TACC1: variants seen among roughly 807,000 people sequenced by gnomAD.
The protein encoded by TACC1 is transforming acidic coiled-coil-containing protein 1.
Under a neutral mutation model 84.4 loss-of-function variants are expected in TACC1, and 48 were observed. That is an observed-to-expected ratio of 0.57 (90% CI 0.45 to 0.72). TACC1 has a LOEUF of 0.72. TACC1 is among the 30% of genes least tolerant of loss of function. The pLI is 0.00. For synonymous variants in TACC1, 372 were observed against 376.3 expected, an observed-to-expected ratio of 0.99 and a Z score of 0.13; for missense variants, 920 against 973.0, an observed-to-expected ratio of 0.95 and a Z score of 0.72.
intron 2 of TACC1, among the ~76,000 whole-genome samples, chr8:38,790,612 C>T (rs1406384778): frequency 1.3e-5 from 2 of 152,184 alleles, no homozygotes; most frequent in Non-Finnish European, 1.5e-5. Context: ...GTGACTTTCT[C>T]CTCTCCCTAA....
intron 1 of TACC1, among the ~76,000 whole-genome samples, chr8:38,735,986 AG>A (rs1230020113): frequency 6.6e-6 from 1 of 152,188 alleles, no homozygotes; most frequent in Non-Finnish European, 1.5e-5. Flanking sequence ...CCAGTTCTGG[AG>A]GAGAAAACTG....
intron 5 of TACC1, among the ~76,000 whole-genome samples, chr8:38,829,419 C>T (rs1388472494): frequency 6.6e-6 from 1 of 152,168 alleles, no homozygotes; most frequent in Non-Finnish European, 1.5e-5. Flanking sequence ...TGGGGTTAAT[C>T]CTGAGTATTC....
At position 38,787,489 on chromosome 8, in the gene TACC1, C is replaced by T. The variant is rs1010783673; in HGVS notation, c.-94C>T. Reference sequence around the variant, plus strand: ...CGCCTCTGCTGGAAACGCTTGCTGGCGCCTGTCACCGGTTCCCTCCATTTT... The same window carrying T: ...CGCCTCTGCTGGAAACGCTTGCTGGTGCCTGTCACCGGTTCCCTCCATTTT... On this transcript the variant is annotated 5_prime_UTR_variant, in exon 1 of 13. Transcript: ENST00000317827. 3 of 1,402,436 alleles carry T rather than the reference C, an allele frequency of 2.1e-6. No homozygotes were observed. Among genetic ancestry groups the T allele is most frequent in the African/African-American group, 3.0e-5 (2 of 65,654 alleles). 86.9% of individuals were successfully genotyped at this position (1,402,436 alleles called of 1,614,324 possible). A position where few individuals can be genotyped will look rare whatever the true frequency, so the allele number is the denominator to read the frequency against.
intron 2 of TACC1, among the ~76,000 whole-genome samples, chr8:38,806,062 G>A (rs1215845985): frequency 6.6e-6 from 1 of 152,168 alleles, no homozygotes; most frequent in South Asian, 2.1e-4. Context: ...GTTGTGTGAA[G>A]CTGTGAGGTC....
chr8:38,756,831 G>T (rs1309964090), intron 3 of TACC1, among the ~76,000 whole-genome samples: 2 of 151,876 alleles, frequency 1.3e-5, no homozygotes, highest in Non-Finnish European at 2.9e-5. Flanking sequence ...CCTTTGCAGG[G>T]CCGCCTGGGT....
chr8:38,745,499 G>A, intron 3 of TACC1: 1 of 686,610 alleles, frequency 1.5e-6, no homozygotes, highest in Non-Finnish European at 2.6e-6. Context: ...AAAAGGCAAG[G>A]GTTTTAATTT....
At chr8:38,757,418 C>T in intron 3 of TACC1, 1 of 1,212,644 alleles carries the variant, frequency 8.2e-7, no homozygotes, top group African/African-American at 1.6e-5. Context: ...GCGTGAGTCC[C>T]AGAGCCCTCT....
chr8:38,774,198 A>G (rs192318916), intron 3 of TACC1, among the ~76,000 whole-genome samples: 174 of 152,068 alleles, frequency 1.1e-3, no homozygotes, highest in African/African-American at 3.9e-3. Flanking sequence ...CTTCAGAGCA[A>G]CCTCCCTTGA....
In TACC1 at chr8:38,848,098, A is replaced by T; in HGVS notation, c.*75A>T. 7.2e-7 allele frequency: 1 copy of T among 1,383,666 alleles called. No individual in the cohort carries two copies. Among genetic ancestry groups the T allele is most frequent in the Non-Finnish European group, 1.0e-6 (1 of 994,604 alleles). The allele number at this position is 1,383,666 out of a possible 1,614,324, so 85.7% of individuals were successfully genotyped here. A position where few individuals can be genotyped will look rare whatever the true frequency, so the allele number is the denominator to read the frequency against. On this transcript the variant is annotated 3_prime_UTR_variant, in exon 13 of 13. Transcript: ENST00000317827. Reference sequence around the variant, plus strand: ...TGACCACAATTATCTTGCCTTATCCAGGAATAATTGCCCCTTTGCAGAGAA... The same window carrying T: ...TGACCACAATTATCTTGCCTTATCCTGGAATAATTGCCCCTTTGCAGAGAA...
chr8:38,797,816 C>T (rs1820339983), intron 2 of TACC1, among the ~76,000 whole-genome samples: 1 of 152,212 alleles, frequency 6.6e-6, no homozygotes, highest in Non-Finnish European at 1.5e-5. Flanking sequence ...GCTCTTTCCC[C>T]CCTTGCTCTT....
intron 8 of TACC1, 93 bp from the exon 9 acceptor site, chr8:38,840,131 T>C (rs13262797): frequency 0.56 from 470,395 of 842,228 alleles, 134,278 homozygotes; most frequent in Middle Eastern, 0.63. Flanking sequence ...TGTCAGTGTA[T>C]GTTAATGTGT....
chr8:38,755,159 CAAA>C (rs35992046), intron 3 of TACC1, among the ~76,000 whole-genome samples: 10 of 72,314 alleles, frequency 1.4e-4, no homozygotes, highest in Admixed American at 3.2e-4. Context: ...GACTCCATCT[CAAA>C]AAAAAAAAAA....
chr8:38,753,210 C>T (rs182649605), intron 3 of TACC1, among the ~76,000 whole-genome samples: 82 of 152,202 alleles, frequency 5.4e-4, no homozygotes, highest in Middle Eastern at 6.8e-3. Flanking sequence ...AGTGATCCTC[C>T]TACTTCACGC....
rs1191947261 is a variant in TACC1 at position 38,765,683 on chromosome 8, A to G, written c.26+20190A>G. 2.0e-5 allele frequency among the ~76,000 whole-genome samples: 3 copies of G among 152,328 alleles called. No individual in the cohort carries two copies. The South Asian group carries it at 6.2e-4, about 32-fold the overall frequency. On this transcript the variant is annotated intron_variant, in intron 3 of 14. Transcript: ENST00000518415. ...CTTCTTATGTTCAGGCACTGTGAACATTATTATGTATGTGGGAATTTACAT... is the reference window on the plus strand; with the variant it reads ...CTTCTTATGTTCAGGCACTGTGAACGTTATTATGTATGTGGGAATTTACAT...
chr8:38,835,544 C>T (rs575333128), intron 6 of TACC1, among the ~76,000 whole-genome samples: 4 of 152,220 alleles, frequency 2.6e-5, no homozygotes, highest in Non-Finnish European at 5.9e-5. Context: ...AACAATGGCA[C>T]ACACCCAGCA....
chr8:38,728,784 G>A (rs1487412228), intron 1 of TACC1: 1 of 152,210 alleles, frequency 6.6e-6, no homozygotes, highest in Admixed American at 6.5e-5. Context: ...GGTATGCGCC[G>A]GGTGGTGGGT....
At position 38,851,112 on chromosome 8, in the gene TACC1, T is replaced by G. The variant is rs1160944795; in HGVS notation, c.*3089T>G. The G allele has an allele frequency of 6.6e-6, 1 of 152,206 alleles. No homozygotes were observed. Among genetic ancestry groups the G allele is most frequent in the Non-Finnish European group, 1.5e-5 (1 of 68,040 alleles). The allele number at this position is 152,206 out of a possible 1,614,324, so 9.4% of individuals were successfully genotyped here. A position where few individuals can be genotyped will look rare whatever the true frequency, so the allele number is the denominator to read the frequency against. Reference sequence around the variant, plus strand: ...TACCGGGAAGCCCAGTTTTCTCACGTGGTTTCTAGCTTCTTCAGACTCAGC... The same window carrying G: ...TACCGGGAAGCCCAGTTTTCTCACGGGGTTTCTAGCTTCTTCAGACTCAGC... On this transcript the variant is annotated 3_prime_UTR_variant, in exon 13 of 13. Coordinates refer to ENST00000317827, the MANE Select transcript of TACC1 (RefSeq NM_006283.3).
At chr8:38,802,670 G>A (rs2152080761) in intron 2 of TACC1, among the ~76,000 whole-genome samples, 1 of 152,336 alleles carries the variant, frequency 6.6e-6, no homozygotes, top group East Asian at 1.9e-4. Context: ...TAGAAGCATG[G>A]CACAGGCATC....
At chr8:38,815,491 C>T (rs1389401656) in intron 2 of TACC1, among the ~76,000 whole-genome samples, 1 of 152,108 alleles carries the variant, frequency 6.6e-6, no homozygotes, top group Admixed American at 6.5e-5. Context: ...GCGATCTCGG[C>T]TCACTGCAAC....
Sources: gnomAD v4.1 joint callset for allele counts (sites outside exome capture counted in the v4.1 genomes callset) on GRCh38, gnomAD v4.1.1 for gene constraint, MANE v1.5 for transcripts, NCBI Gene and HGNC (gene_info 2026-07-23, HGNC 2026-07-21) for gene names.